Variants in LMOD1 observed in about 807,000 individuals in gnomAD.
The protein encoded by LMOD1 is leiomodin 1.
LMOD1 carries 8 observed loss-of-function variants against 36.5 expected under a neutral mutation model. The ratio of observed to expected loss-of-function variants is 0.22; its 90% CI spans 0.13 to 0.40. The LOEUF (loss-of-function observed/expected upper bound fraction) is 0.40, where lower values mean the gene tolerates loss of function less well. Ranked by LOEUF, LMOD1 falls within the 10% of genes least tolerant of loss-of-function variation. The pLI is 1.00. For missense variants in LMOD1, 630 were observed against 751.1 expected (o/e 0.84, Z 1.88); for synonymous variants, 284 against 288.7 (o/e 0.98, Z 0.17).
intron 1 of LMOD1, among the ~76,000 whole-genome samples, chr1:201,914,656 A>T (rs2102916490): frequency 6.6e-6 from 1 of 152,028 alleles, no homozygotes; most frequent in South Asian, 2.1e-4. Flanking sequence ...AGAGGAAACA[A>T]CCCATGGCAA....
At chr1:201,916,608 C>A (rs1681616313) in intron 1 of LMOD1, among the ~76,000 whole-genome samples, 1 of 151,748 alleles carries the variant, frequency 6.6e-6, no homozygotes, top group Admixed American at 6.6e-5. Context: ...AGTTTCACAG[C>A]AAAAACAAAA....
At chr1:201,924,690 A>AAAG (rs1491530830) in intron 1 of LMOD1, among the ~76,000 whole-genome samples, 1 of 74,742 alleles carries the variant, frequency 1.3e-5, no homozygotes, top group African/African-American at 3.5e-5. Flanking sequence ...AGAAAGAAAG[A>AAAG]AAGAAAGAAA....
chr1:201,936,741 A>G (rs1682027135), intron 1 of LMOD1, among the ~76,000 whole-genome samples: 1 of 152,156 alleles, frequency 6.6e-6, no homozygotes, highest in Non-Finnish European at 1.5e-5. Context: ...GTTCGAGACC[A>G]GCCTGGCCAA....
intron 1 of LMOD1, among the ~76,000 whole-genome samples, chr1:201,921,683 G>T (rs113556704): frequency 0.018 from 2,714 of 151,816 alleles, 100 homozygotes; most frequent in African/African-American, 0.062. Flanking sequence ...CATTATGGCC[G>T]GATGCAGTGG....
At chr1:201,941,958 C>T (rs115472428) in intron 1 of LMOD1, among the ~76,000 whole-genome samples, 1,779 of 152,222 alleles carry the variant, frequency 0.012, 44 homozygotes, top group African/African-American at 0.041. Context: ...ACAAGTTGAC[C>T]GGTTGGGATC....
rs1682216040 is a variant in LMOD1 at position 201,946,518 on chromosome 1, G to A, written c.-178C>T. On this transcript the variant is annotated 5_prime_UTR_variant, in exon 1 of 3. Transcript: ENST00000367288. ...GGTGCTGAAGTGTTCACTGGACGCA[G>A]CAGCCTCCCTGAAGCCCAGGGCTAG... 4.5e-6 allele frequency: 3 copies of A among 667,384 alleles called. No homozygotes were observed. The highest frequency in any genetic ancestry group is 5.0e-6 in the Non-Finnish European group (2 of 399,810). 41.3% of individuals were successfully genotyped at this position (667,384 alleles called of 1,614,324 possible).
chr1:201,908,305 G>A (rs537353302), intron 1 of LMOD1, among the ~76,000 whole-genome samples: 1 of 152,306 alleles, frequency 6.6e-6, no homozygotes, highest in East Asian at 1.9e-4. Flanking sequence ...TGAGTTCTAA[G>A]GGAACCCTTC....
chr1:201,927,127 T>A (rs1681837983), intron 1 of LMOD1, among the ~76,000 whole-genome samples: 2 of 152,196 alleles, frequency 1.3e-5, no homozygotes, highest in Admixed American at 6.5e-5. Flanking sequence ...ATCATGTCTG[T>A]GTTCTTTGTA....
intron 1 of LMOD1, among the ~76,000 whole-genome samples, chr1:201,917,213 GAAAGGGATGGT>G (rs913291411): frequency 4.6e-5 from 7 of 152,178 alleles, no homozygotes; most frequent in Non-Finnish European, 7.3e-5. Context: ...GGTTTCTAGT[GAAAGGGATGGT>G]AAATGGGGGA....
At chr1:201,916,509 T>C (rs994988043) in intron 1 of LMOD1, among the ~76,000 whole-genome samples, 1 of 123,100 alleles carries the variant, frequency 8.1e-6, no homozygotes, top group South Asian at 3.0e-4. Context: ...AGAGAGACCC[T>C]GTCTCAAAAA....
chr1:201,930,683 T>C (rs1034039816), intron 1 of LMOD1, among the ~76,000 whole-genome samples: 1 of 151,974 alleles, frequency 6.6e-6, no homozygotes, highest in African/African-American at 2.4e-5. Flanking sequence ...AAAGAGAGCA[T>C]ACGGGGATAA....
At chr1:201,913,063 G>T (rs1057240894) in intron 1 of LMOD1, among the ~76,000 whole-genome samples, 1 of 152,144 alleles carries the variant, frequency 6.6e-6, no homozygotes, top group Non-Finnish European at 1.5e-5. Context: ...TTCCCTAAAG[G>T]AATGTAGTAA....
chr1:201,910,721 C>T (rs1367059709), intron 1 of LMOD1, among the ~76,000 whole-genome samples: 1 of 134,686 alleles, frequency 7.4e-6, no homozygotes, highest in African/African-American at 2.7e-5. Flanking sequence ...GTAACATTTT[C>T]CCCTTTTGCA....
chr1:201,909,043 T>G (rs1360773883), intron 1 of LMOD1, among the ~76,000 whole-genome samples: 1 of 152,218 alleles, frequency 6.6e-6, no homozygotes, highest in Non-Finnish European at 1.5e-5. Flanking sequence ...AGAAGGGTCA[T>G]CCAGGGCACC....
Position 201,899,397 on chromosome 1 carries a change from G to T in LMOD1, c.1616C>A (p.Pro539His). ...GAPAAPPPPP[P>H]PLAPPLIMEN... ...CATGATAAGGGGTGGAGCCAAGGGA[G>T]GGGGAGGGGGTGGTGGGGCAGCTGG... is the stretch of plus-strand genomic sequence containing the variant. The change falls in exon 2 of 3, where the codon CCT becomes CAT. Residue 539 changes from proline (P) to histidine (H), a missense_variant. By Grantham distance (77) the Pro-to-His change is moderately conservative (BLOSUM62 -2). This residue lies in a region of LMOD1 where 144 missense variants were observed against 169.8 expected (regional missense o/e 0.85). Coordinates refer to ENST00000367288, the MANE Select transcript of LMOD1 (RefSeq NM_012134.3). The surrounding 1 kb of genome is among the most constrained non-coding windows in gnomAD (Gnocchi z 6.3). 6.2e-7 allele frequency: 1 copy of T among 1,612,406 alleles called. No individual in the cohort carries two copies. Among genetic ancestry groups the T allele is most frequent in the Non-Finnish European group, 8.5e-7 (1 of 1,178,672 alleles).
At chr1:201,931,566 C>T (rs1681923373) in intron 1 of LMOD1, among the ~76,000 whole-genome samples, 2 of 146,544 alleles carry the variant, frequency 1.4e-5, no homozygotes, top group South Asian at 4.3e-4. Context: ...GGAGAGAAAG[C>T]TTGCATATAA....
At chr1:201,901,561 T>C (rs1681311613) in intron 1 of LMOD1, among the ~76,000 whole-genome samples, 1 of 30,166 alleles carries the variant, frequency 3.3e-5, no homozygotes, top group African/African-American at 1.9e-4. Context: ...TACATATATA[T>C]ATGTATATAT....
chr1:201,930,369 C>A (rs964827333), intron 1 of LMOD1, among the ~76,000 whole-genome samples: 1 of 151,798 alleles, frequency 6.6e-6, no homozygotes, highest in Non-Finnish European at 1.5e-5. Context: ...AGTTGAATTG[C>A]GAGGAGGGGC....
intron 1 of LMOD1, among the ~76,000 whole-genome samples, chr1:201,939,985 C>A (rs1558244241): frequency 6.6e-6 from 1 of 152,214 alleles, no homozygotes; most frequent in East Asian, 1.9e-4. Context: ...GCCTGGGGAC[C>A]ATGAAGCTCC....
Sources: gnomAD v4.1 joint callset for allele counts (sites outside exome capture counted in the v4.1 genomes callset) on GRCh38, gnomAD v4.1.1 for gene constraint, gnomAD v4.1.1 regional missense constraint, Gnocchi (gnomAD v3.1) non-coding constraint, MANE v1.5 for transcripts, NCBI Gene and HGNC (gene_info 2026-07-23, HGNC 2026-07-21) for gene names.